RAB28: variants seen among roughly 807,000 people sequenced by gnomAD.
The protein encoded by RAB28 is RAB28, member RAS oncogene family, also known as ras-related protein Rab-28.
Under a neutral mutation model 31.7 loss-of-function variants are expected in RAB28, and 24 were observed. The ratio of observed to expected loss-of-function variants is 0.76; its 90% confidence interval spans 0.55 to 1.06. The LOEUF (loss-of-function observed/expected upper bound fraction) is 1.06. RAB28 is among the 50% of genes least tolerant of loss of function. The pLI is 0.00. For synonymous variants in RAB28, 100 were observed against 90.4 expected (o/e 1.11, Z -0.60); for missense variants, 254 against 258.5 (o/e 0.98, Z 0.12).
intron 3 of RAB28, among the ~76,000 whole-genome samples, chr4:13,468,624 A>C (rs1373754885): frequency 6.6e-6 from 1 of 152,040 alleles, no homozygotes; most frequent in East Asian, 1.9e-4. Context: ...GAAAAGCAAA[A>C]AAATCAATAA....
intron 4 of RAB28, among the ~76,000 whole-genome samples, chr4:13,459,194 T>C (rs1156961109): frequency 6.6e-6 from 1 of 152,212 alleles, no homozygotes; most frequent in Non-Finnish European, 1.5e-5. Context: ...TCTCAGGTCT[T>C]CAGCCACAGA....
At chr4:13,394,216 C>A (rs1729774315) in intron 4 of RAB28, among the ~76,000 whole-genome samples, 2 of 152,068 alleles carry the variant, frequency 1.3e-5, no homozygotes, top group Admixed American at 6.5e-5. Context: ...AAGCAGTGGA[C>A]CCCACCTTTT....
At chr4:13,464,807 T>G (rs1039093072) in intron 3 of RAB28, among the ~76,000 whole-genome samples, 1 of 152,024 alleles carries the variant, frequency 6.6e-6, no homozygotes. Context: ...AAAAGGTAAT[T>G]TGAAGAAAGA....
At chr4:13,387,350 C>G (rs1263690384) in intron 4 of RAB28, among the ~76,000 whole-genome samples, 2 of 152,000 alleles carry the variant, frequency 1.3e-5, no homozygotes, top group Non-Finnish European at 2.9e-5. Flanking sequence ...ATCAAATAGT[C>G]ATAAAATTAC....
intron 5 of RAB28, 47 bp downstream of exon 5, chr4:13,381,444 G>C (rs907867726): frequency 7.4e-7 from 1 of 1,350,526 alleles, no homozygotes; most frequent in Admixed American, 1.8e-5. Flanking sequence ...AGGAATGTTA[G>C]TAAATAAAAG....
At chr4:13,377,647 G>A (rs756674397) in intron 5 of RAB28, among the ~76,000 whole-genome samples, 4 of 152,164 alleles carry the variant, frequency 2.6e-5, no homozygotes, top group South Asian at 4.1e-4. Context: ...ATGGGAGGGT[G>A]GCCCAATGTG....
chr4:13,398,375 G>C (rs940724258), intron 4 of RAB28, among the ~76,000 whole-genome samples: 2 of 152,082 alleles, frequency 1.3e-5, no homozygotes. Flanking sequence ...GATACAATGA[G>C]GCCCAAGTTC....
chr4:13,480,023 T>A (rs566991131), intron 1 of RAB28, among the ~76,000 whole-genome samples: 1 of 151,718 alleles, frequency 6.6e-6, no homozygotes, highest in East Asian at 1.9e-4. Flanking sequence ...CGTATGTAAT[T>A]TTTCTTTATT....
chr4:13,429,224 G>A (rs1713675991), intron 4 of RAB28, among the ~76,000 whole-genome samples: 1 of 152,144 alleles, frequency 6.6e-6, no homozygotes, highest in South Asian at 2.1e-4. Context: ...TGGGATTACA[G>A]GAATGAGCCA....
At chr4:13,483,001 C>T (rs564096972) in intron 1 of RAB28, among the ~76,000 whole-genome samples, 2 of 152,118 alleles carry the variant, frequency 1.3e-5, no homozygotes, top group Non-Finnish European at 2.9e-5. Context: ...GCCTGGGTTT[C>T]TTTAGACTAT....
intron 4 of RAB28, among the ~76,000 whole-genome samples, 168 bp from the exon 5 acceptor site, chr4:13,381,762 T>C (rs1729140145): frequency 6.6e-6 from 1 of 152,124 alleles, no homozygotes; most frequent in South Asian, 2.1e-4. Context: ...TCCACATCTA[T>C]AAACTGGGAA....
intron 4 of RAB28, among the ~76,000 whole-genome samples, chr4:13,401,316 T>C (rs1711738441): frequency 6.6e-6 from 1 of 152,166 alleles, no homozygotes; most frequent in South Asian, 2.1e-4. Flanking sequence ...TAAAGGAATT[T>C]GTTCATTTAA....
At chr4:13,434,303 C>T (rs774755145) in intron 4 of RAB28, among the ~76,000 whole-genome samples, 1 of 152,062 alleles carries the variant, frequency 6.6e-6, no homozygotes, top group African/African-American at 2.4e-5. Flanking sequence ...CATGTGCCCC[C>T]GCCAAATATA....
At chr4:13,406,429 C>T (rs936314603) in intron 4 of RAB28, among the ~76,000 whole-genome samples, 1 of 152,128 alleles carries the variant, frequency 6.6e-6, no homozygotes, top group African/African-American at 2.4e-5. Context: ...GGTTCCAAGT[C>T]TTTACTATTG....
chr4:13,395,016 T>A (rs769014983), intron 4 of RAB28, among the ~76,000 whole-genome samples: 3 of 152,120 alleles, frequency 2.0e-5, no homozygotes, highest in Non-Finnish European at 4.4e-5. Flanking sequence ...TCAAATCTAG[T>A]CATTAGTAGC....
chr4:13,398,755 G>GT (rs1330519626), intron 4 of RAB28, among the ~76,000 whole-genome samples: 8 of 149,894 alleles, frequency 5.3e-5, no homozygotes, highest in Non-Finnish European at 1.2e-4. Context: ...TCCAGCCTGG[G>GT]TGACAGAGCA....
intron 4 of RAB28, among the ~76,000 whole-genome samples, chr4:13,440,151 G>T (rs1194944592): frequency 6.6e-6 from 1 of 152,086 alleles, no homozygotes; most frequent in Non-Finnish European, 1.5e-5. Context: ...TGAATTTATT[G>T]TGTCCAATAG....
At chr4:13,424,463 A>T (rs998888571) in intron 4 of RAB28, among the ~76,000 whole-genome samples, 1 of 152,174 alleles carries the variant, frequency 6.6e-6, no homozygotes, top group African/African-American at 2.4e-5. Context: ...AAGTCATTGG[A>T]TTTAGGGTCC....
At chr4:13,399,436 T>C (rs1405745403) in intron 4 of RAB28, among the ~76,000 whole-genome samples, 2 of 152,228 alleles carry the variant, frequency 1.3e-5, no homozygotes, top group Non-Finnish European at 2.9e-5. Flanking sequence ...CCTGATAATA[T>C]GCCTAGCTGT....
Sources: gnomAD v4.1 joint callset for allele counts (sites outside exome capture counted in the v4.1 genomes callset) on GRCh38, gnomAD v4.1.1 for gene constraint, MANE v1.5 for transcripts, NCBI Gene and HGNC (gene_info 2026-07-23, HGNC 2026-07-21) for gene names.